SUMF1: variants seen among roughly 807,000 people sequenced by gnomAD.
SUMF1 encodes formylglycine-generating enzyme.
A neutral mutation model predicts 47.6 loss-of-function variants in SUMF1; 48 were observed. That is an observed-to-expected ratio of 1.01 (90% CI 0.80 to 1.28). The LOEUF is 1.28. SUMF1 is among the 50% of genes most tolerant of loss of function. The pLI, the probability that SUMF1 is intolerant of heterozygous loss-of-function variation, is 0.00. For missense variants in SUMF1, 571 were observed against 485.4 expected, an observed-to-expected ratio of 1.18 and a Z score of -1.66; for synonymous variants, 230 against 192.1, an observed-to-expected ratio of 1.20 and a Z score of -1.63.
chr3:4,248,388 A>T (rs534340007), intron 8 of SUMF1, among the ~76,000 whole-genome samples: 1 of 152,360 alleles, frequency 6.6e-6, no homozygotes, highest in African/African-American at 2.4e-5. Flanking sequence ...CCAGTACCTC[A>T]TTAATTCAAG....
intron 8 of SUMF1, among the ~76,000 whole-genome samples, chr3:4,251,815 G>A (rs1696808601): frequency 6.6e-6 from 1 of 152,136 alleles, no homozygotes; most frequent in Non-Finnish European, 1.5e-5. Context: ...ACCCTACAAT[G>A]GCAAAAAGAT....
intron 8 of SUMF1, among the ~76,000 whole-genome samples, chr3:4,263,065 G>A (rs1697119110): frequency 6.6e-6 from 1 of 152,106 alleles, no homozygotes; most frequent in Non-Finnish European, 1.5e-5. Context: ...AAATGGGGGT[G>A]TAGGGCATGG....
chr3:4,270,114 G>A (rs1697273660), intron 8 of SUMF1, among the ~76,000 whole-genome samples: 1 of 152,100 alleles, frequency 6.6e-6, no homozygotes, highest in South Asian at 2.1e-4. Flanking sequence ...CACGGTTCAG[G>A]AGGAACAAAC....
At chr3:4,345,675 C>T (rs1330819528) in intron 8 of SUMF1, among the ~76,000 whole-genome samples, 8 of 152,124 alleles carry the variant, frequency 5.3e-5, no homozygotes, top group Non-Finnish European at 1.2e-4. Context: ...ATCAAATTCA[C>T]ACACAACAAT....
chr3:4,239,538 T>A (rs1424849920), intron 8 of SUMF1, among the ~76,000 whole-genome samples: 2 of 152,208 alleles, frequency 1.3e-5, no homozygotes, highest in African/African-American at 2.4e-5. Context: ...TTGTAGCAAT[T>A]GTGAATGGGA....
intron 8 of SUMF1, among the ~76,000 whole-genome samples, chr3:4,331,064 T>A (rs1277787899): frequency 6.6e-6 from 1 of 152,176 alleles, no homozygotes; most frequent in Non-Finnish European, 1.5e-5. Context: ...TAACTGCACA[T>A]ACAATTCCTT....
chr3:4,266,100 G>C (rs1697188937), intron 8 of SUMF1, among the ~76,000 whole-genome samples: 1 of 152,146 alleles, frequency 6.6e-6, no homozygotes, highest in Non-Finnish European at 1.5e-5. Flanking sequence ...TCTCTGTTTT[G>C]ATACCAGTAC....
At chr3:4,108,610 T>C (rs1485698504) in intron 8 of SUMF1, among the ~76,000 whole-genome samples, 7 of 152,124 alleles carry the variant, frequency 4.6e-5, no homozygotes, top group Non-Finnish European at 2.9e-5. Flanking sequence ...GGTGCTCCCA[T>C]ATTGGGTGCA....
intron 8 of SUMF1, among the ~76,000 whole-genome samples, chr3:4,211,570 A>G (rs930660502): frequency 3.3e-5 from 5 of 152,120 alleles, no homozygotes; most frequent in Non-Finnish European, 7.4e-5. Flanking sequence ...GATTACTTAA[A>G]CCGGACACAG....
intron 8 of SUMF1, among the ~76,000 whole-genome samples, chr3:4,370,156 G>C (rs2125203843): frequency 6.6e-6 from 1 of 152,318 alleles, no homozygotes; most frequent in South Asian, 2.1e-4. Context: ...GGTCTGGAAA[G>C]GCCTCTCTGA....
intron 8 of SUMF1, among the ~76,000 whole-genome samples, chr3:4,365,335 T>G (rs529409221): frequency 0.015 from 1,857 of 122,164 alleles, 318 homozygotes; most frequent in African/African-American, 0.05. Context: ...CTCCCATTAT[T>G]ATTGTGTGGG....
At chr3:4,371,490 T>C (rs1181858466) in intron 8 of SUMF1, among the ~76,000 whole-genome samples, 1 of 152,184 alleles carries the variant, frequency 6.6e-6, no homozygotes, top group African/African-American at 2.4e-5. Flanking sequence ...TAATTGTAAC[T>C]CATGTTAAAC....
At chr3:4,242,685 T>C (rs1009191437) in intron 8 of SUMF1, among the ~76,000 whole-genome samples, 1 of 152,196 alleles carries the variant, frequency 6.6e-6, no homozygotes, top group Admixed American at 6.5e-5. Flanking sequence ...CAGTATTTTA[T>C]TGAGGACTTT....
intron 8 of SUMF1, among the ~76,000 whole-genome samples, chr3:4,321,856 G>A (rs1217179329): frequency 1.3e-5 from 2 of 152,126 alleles, no homozygotes; most frequent in African/African-American, 4.8e-5. Flanking sequence ...GAGGGGAGCA[G>A]AGTAACTTTA....
intron 8 of SUMF1, among the ~76,000 whole-genome samples, chr3:4,106,424 C>G (rs1310341725): frequency 6.6e-6 from 1 of 152,074 alleles, no homozygotes; most frequent in African/African-American, 2.4e-5. Context: ...CACATATACC[C>G]TTCAAGAGAT....
intron 8 of SUMF1, among the ~76,000 whole-genome samples, chr3:4,230,158 T>C (rs1393999287): frequency 6.6e-6 from 1 of 152,032 alleles, no homozygotes; most frequent in East Asian, 1.9e-4. Context: ...CAAAACCAAA[T>C]GTGTCCTTTC....
At chr3:4,210,780 T>G (rs1368564981) in intron 8 of SUMF1, among the ~76,000 whole-genome samples, 1 of 152,020 alleles carries the variant, frequency 6.6e-6, no homozygotes, top group Non-Finnish European at 1.5e-5. Context: ...ATCCTGAGTG[T>G]GTCTGTGAGG....
chr3:4,374,448 A>G (rs1700262434), intron 8 of SUMF1, among the ~76,000 whole-genome samples: 1 of 152,242 alleles, frequency 6.6e-6, no homozygotes, highest in Admixed American at 6.5e-5. Context: ...AAAAATGTAG[A>G]TTACAAATAA....
intron 8 of SUMF1, among the ~76,000 whole-genome samples, chr3:4,070,793 G>A (rs985359312): frequency 1.3e-5 from 2 of 151,782 alleles, no homozygotes; most frequent in African/African-American, 2.4e-5. Flanking sequence ...CTGCTACCAC[G>A]CCTAATTTTT....
Sources: gnomAD v4.1 joint callset for allele counts (sites outside exome capture counted in the v4.1 genomes callset) on GRCh38, gnomAD v4.1.1 for gene constraint, MANE v1.5 for transcripts, NCBI Gene and HGNC (gene_info 2026-07-23, HGNC 2026-07-21) for gene names.